Variants in KCNMB2 observed in about 807,000 individuals in gnomAD.
KCNMB2 encodes calcium-activated potassium channel subunit beta-2.
In KCNMB2, 9 loss-of-function variants were observed where a neutral mutation model predicts 24.5. The observed-to-expected ratio is 0.37, with a 90% CI of 0.22 to 0.64. The LOEUF (loss-of-function observed/expected upper bound fraction) is 0.64. KCNMB2 is among the 30% of genes least tolerant of loss of function. The pLI is 0.63. For synonymous variants in KCNMB2, 109 were observed against 104.4 expected (o/e 1.04, Z -0.27); for missense variants, 226 against 284.3 (o/e 0.79, Z 1.47).
At chr3:178,611,538 A>G (rs1718483970) in intron 1 of KCNMB2, among the ~76,000 whole-genome samples, 1 of 152,124 alleles carries the variant, frequency 6.6e-6, no homozygotes, top group Non-Finnish European at 1.5e-5. Context: ...CCCCGTCTCT[A>G]CTAAAAATAC....
chr3:178,570,515 CT>C (rs200106452), intron 1 of KCNMB2, among the ~76,000 whole-genome samples: 10,661 of 110,366 alleles, frequency 0.097, 183 homozygotes, highest in East Asian at 0.2. Flanking sequence ...GTAATGATAC[CT>C]TTTTTTTTTT....
chr3:178,696,490 GTTCT>G (rs1721880584), intron 1 of KCNMB2, among the ~76,000 whole-genome samples: 1 of 151,908 alleles, frequency 6.6e-6, no homozygotes, highest in Admixed American at 6.6e-5. Flanking sequence ...TTTCTCTTTT[GTTCT>G]TTATTATTCT....
chr3:178,660,694 A>C (rs6773905), intron 1 of KCNMB2, among the ~76,000 whole-genome samples: 6,817 of 151,834 alleles, frequency 0.045, 196 homozygotes, highest in African/African-American at 0.068. Flanking sequence ...TTTACAGTTG[A>C]GCAAACTAAG....
intron 1 of KCNMB2, among the ~76,000 whole-genome samples, chr3:178,714,036 A>G (rs1007300906): frequency 6.6e-6 from 1 of 152,124 alleles, no homozygotes; most frequent in Non-Finnish European, 1.5e-5. Context: ...TTGCCTGTGA[A>G]AAACAAAACC....
chr3:178,576,632 C>T (rs538995213), intron 1 of KCNMB2, among the ~76,000 whole-genome samples: 1 of 152,292 alleles, frequency 6.6e-6, no homozygotes, highest in Non-Finnish European at 1.5e-5. Context: ...CTGAAGTCGA[C>T]CTGGGAGGCT....
chr3:178,549,925 TA>T (rs969890303), intron 1 of KCNMB2, among the ~76,000 whole-genome samples: 26 of 152,200 alleles, frequency 1.7e-4, no homozygotes, highest in Middle Eastern at 3.4e-3. Flanking sequence ...AAAGTATGCA[TA>T]TTTTTTTTTC....
At chr3:178,740,306 G>C (rs1490158777) in intron 1 of KCNMB2, among the ~76,000 whole-genome samples, 2 of 151,950 alleles carry the variant, frequency 1.3e-5, no homozygotes, top group African/African-American at 2.4e-5. Flanking sequence ...TTTTTGAGTA[G>C]AGACGGAGTT....
intron 1 of KCNMB2, among the ~76,000 whole-genome samples, chr3:178,643,950 T>C (rs1719817413): frequency 6.6e-6 from 1 of 152,212 alleles, no homozygotes; most frequent in Non-Finnish European, 1.5e-5. Flanking sequence ...GCCAGTCTTT[T>C]CCATCCCTTT....
chr3:178,812,068 C>T (rs4481139), intron 2 of KCNMB2, among the ~76,000 whole-genome samples: 77,130 of 151,846 alleles, frequency 0.51, 21,153 homozygotes, highest in African/African-American at 0.73. Flanking sequence ...ATACCTCTTA[C>T]CATTTTTCTA....
intron 1 of KCNMB2, among the ~76,000 whole-genome samples, chr3:178,682,403 T>C (rs1721301645): frequency 6.6e-6 from 1 of 152,048 alleles, no homozygotes; most frequent in South Asian, 2.1e-4. Flanking sequence ...CACAAGAACA[T>C]AATCCTCAAG....
chr3:178,583,139 T>C (rs1005970056), intron 1 of KCNMB2, among the ~76,000 whole-genome samples: 26 of 152,192 alleles, frequency 1.7e-4, no homozygotes, highest in African/African-American at 6.3e-4. Context: ...TCTTAAAGTA[T>C]ACATTATTTA....
At chr3:178,701,957 A>G (rs1422439670) in intron 1 of KCNMB2, among the ~76,000 whole-genome samples, 1 of 152,168 alleles carries the variant, frequency 6.6e-6, no homozygotes, top group Non-Finnish European at 1.5e-5. Context: ...AATATAAATC[A>G]TGCTGCTATA....
intron 1 of KCNMB2, among the ~76,000 whole-genome samples, chr3:178,577,680 A>G (rs144833784): frequency 3.9e-5 from 6 of 152,252 alleles, no homozygotes; most frequent in African/African-American, 1.4e-4. Flanking sequence ...ACACAAACAC[A>G]AGTTTAGAGA....
At chr3:178,657,618 G>A (rs527509952) in intron 1 of KCNMB2, among the ~76,000 whole-genome samples, 3 of 152,344 alleles carry the variant, frequency 2.0e-5, no homozygotes, top group African/African-American at 7.2e-5. Context: ...TATAATGAGT[G>A]TTTTGTACCA....
At chr3:178,585,278 C>A (rs1717386945) in intron 1 of KCNMB2, among the ~76,000 whole-genome samples, 1 of 152,126 alleles carries the variant, frequency 6.6e-6, no homozygotes, top group Admixed American at 6.6e-5. Context: ...GCTCTTTTGT[C>A]CCACATGATG....
chr3:178,778,727 G>A (rs61798079), intron 1 of KCNMB2, among the ~76,000 whole-genome samples: 1 of 152,044 alleles, frequency 6.6e-6, no homozygotes, highest in East Asian at 1.9e-4. Flanking sequence ...AGCCAGTTAG[G>A]CTCTCCCTCC....
rs1418801147 is a variant in KCNMB2, at chr3:178,660,107, A to G, written c.-68+123396A>G. Among the ~76,000 whole-genome samples, 3 of 152,122 alleles carry G rather than the reference A, an allele frequency of 2.0e-5. No individual in the cohort carries two copies. The South Asian group carries it at 6.2e-4, about 31-fold the overall frequency. ...CAAGCAAAAGGAGCATAAATTTTGA[A>G]TCACACAGTCCTGTATCTGAATCCA... On this transcript the variant is annotated intron_variant, in intron 1 of 4. Coordinates refer to ENST00000452583, the MANE Select transcript of KCNMB2 (RefSeq NM_181361.3).
At chr3:178,701,850 G>T (rs1187970021) in intron 1 of KCNMB2, among the ~76,000 whole-genome samples, 1 of 152,184 alleles carries the variant, frequency 6.6e-6, no homozygotes, top group Non-Finnish European at 1.5e-5. Context: ...CATTGTGGAA[G>T]ACAGTGTGGT....
chr3:178,825,689 C>T lies in KCNMB2; in HGVS notation c.158C>T (p.Ala53Val). Residue 53 changes from alanine to valine, a missense_variant, in exon 3 of 5, where the codon GCT becomes GTT. Transcript: ENST00000452583. ...GACCGAGCTATTCTCCTGGGACTGG[C>T]TATGATGGTGTGCTCCATCATGATG... Reference protein sequence around the residue: ...GEDRAILLGLAMMVCSIMMYF... With the variant: ...GEDRAILLGLVMMVCSIMMYF... 6.2e-7 allele frequency: 1 copy of T among 1,613,856 alleles called. No homozygotes were observed. Among genetic ancestry groups the T allele is most frequent in the South Asian group, 1.1e-5 (1 of 91,080 alleles).
Sources: gnomAD v4.1 joint callset for allele counts (sites outside exome capture counted in the v4.1 genomes callset) on GRCh38, gnomAD v4.1.1 for gene constraint, MANE v1.5 for transcripts, NCBI Gene and HGNC (gene_info 2026-07-23, HGNC 2026-07-21) for gene names.